SLC9B1: variants seen among roughly 807,000 people sequenced by gnomAD.
SLC9B1 encodes sodium/hydrogen exchanger 9B1.
SLC9B1 carries 32 observed loss-of-function variants against 51.7 expected under a neutral mutation model. The ratio of observed to expected loss-of-function variants is 0.62; its 90% confidence interval spans 0.47 to 0.83. SLC9B1 has a LOEUF of 0.83. Among genes scored for constraint, SLC9B1 ranks in the 40% least tolerant of loss-of-function variants. SLC9B1 has a pLI of 0.00. For synonymous variants in SLC9B1, 145 were observed against 212.7 expected (o/e 0.68, Z 2.77); for missense variants, 406 against 613.2 (o/e 0.66, Z 3.57).
At chr4:102,960,591 A>T (rs1039538081) in intron 3 of SLC9B1, among the ~76,000 whole-genome samples, 26 of 151,588 alleles carry the variant, frequency 1.7e-4, no homozygotes, top group African/African-American at 3.7e-4. Flanking sequence ...GTAAAAATTT[A>T]AAAAAAGTTA....
Position 102,961,389 on chromosome 4 carries a change from C to A in SLC9B1, c.212-11962G>T, listed in dbSNP as rs1281754182. ...CAAAAACTGACTACATACTTCAGAT[C>A]TGTCTCAAATCTCCCCAGCCTCTTT... On this transcript the variant is annotated intron_variant, in intron 3 of 11. Coordinates refer to ENST00000296422, the MANE Select transcript of SLC9B1 (RefSeq NM_139173.4). Among the ~76,000 whole-genome samples the A allele has an allele frequency of 2.0e-5, 3 of 152,286 alleles. No individual in the cohort carries two copies. The East Asian group carries it at 5.8e-4, about 29-fold the overall frequency.
At chr4:102,973,399 T>C (rs544214941) in intron 3 of SLC9B1, among the ~76,000 whole-genome samples, 18 of 152,222 alleles carry the variant, frequency 1.2e-4, no homozygotes, top group African/African-American at 4.3e-4. Flanking sequence ...TTAAAATATA[T>C]GAAGCACAAA....
At chr4:102,900,691 T>C (rs1734743336), downstream of SLC9B1, among the ~76,000 whole-genome samples, 2 of 152,180 alleles carry the variant, frequency 1.3e-5, no homozygotes, top group African/African-American at 2.4e-5. Flanking sequence ...TTTGTGGTGA[T>C]CTTTTTAACT....
chr4:102,960,807 A>G (rs1363841212), intron 3 of SLC9B1, among the ~76,000 whole-genome samples: 1 of 150,516 alleles, frequency 6.6e-6, no homozygotes, highest in East Asian at 1.9e-4. Flanking sequence ...ATCTCGGCTC[A>G]CCACAACCTC....
intron 3 of SLC9B1, among the ~76,000 whole-genome samples, chr4:102,976,641 T>C (rs1465480895): frequency 2.6e-5 from 4 of 152,172 alleles, no homozygotes; most frequent in Non-Finnish European, 4.4e-5. Flanking sequence ...TCTTGAAAGA[T>C]GAAATTTCAA....
intron 7 of SLC9B1, among the ~76,000 whole-genome samples, chr4:102,917,509 C>T (rs1350375054): frequency 1.3e-5 from 2 of 148,190 alleles, no homozygotes; most frequent in African/African-American, 4.9e-5. Context: ...TTGGTTCTGA[C>T]CCTCTGGAGA....
At chr4:102,920,201 A>G (rs567090960) in intron 7 of SLC9B1, among the ~76,000 whole-genome samples, 2 of 152,336 alleles carry the variant, frequency 1.3e-5, no homozygotes, top group East Asian at 3.9e-4. Flanking sequence ...CGAAGCTTCC[A>G]GAGGAAGGAT....
intron 7 of SLC9B1, among the ~76,000 whole-genome samples, chr4:102,918,975 G>GCAATAGCC (rs1735724766): frequency 1.3e-5 from 2 of 152,204 alleles, no homozygotes; most frequent in Non-Finnish European, 2.9e-5. Context: ...ACTCTCTGAA[G>GCAATAGCC]CAATAGCCTG....
chr4:102,940,630 T>C (rs1431693877), intron 6 of SLC9B1, among the ~76,000 whole-genome samples: 1 of 152,212 alleles, frequency 6.6e-6, no homozygotes, highest in African/African-American at 2.4e-5. Context: ...AGTACAATGC[T>C]ACAGTAAGCA....
intron 1 of SLC9B1, among the ~76,000 whole-genome samples, chr4:103,009,592 A>T (rs1740985445): frequency 6.6e-6 from 1 of 152,206 alleles, no homozygotes; most frequent in African/African-American, 2.4e-5. Context: ...TGAGAGTGGC[A>T]AAGCTGGGAT....
intron 1 of SLC9B1, among the ~76,000 whole-genome samples, chr4:103,008,526 C>T (rs982020226): frequency 6.6e-6 from 1 of 150,868 alleles, no homozygotes; most frequent in African/African-American, 2.4e-5. Flanking sequence ...GGACTACCGA[C>T]GTGAGTCACT....
chr4:103,015,459 T>C (rs1204104002), intron 1 of SLC9B1, among the ~76,000 whole-genome samples: 1 of 152,140 alleles, frequency 6.6e-6, no homozygotes, highest in Non-Finnish European at 1.5e-5. Context: ...CAACCACTAA[T>C]ACCCAGGTGG....
chr4:103,015,953 C>T (rs1741295020), intron 1 of SLC9B1, among the ~76,000 whole-genome samples: 1 of 151,530 alleles, frequency 6.6e-6, no homozygotes, highest in South Asian at 2.1e-4. Flanking sequence ...CATGGTAAAA[C>T]CCTATCTCTA....
downstream of SLC9B1, among the ~76,000 whole-genome samples, chr4:102,899,312 G>A (rs1734680024): frequency 6.6e-6 from 1 of 150,528 alleles, no homozygotes; most frequent in African/African-American, 2.4e-5. Flanking sequence ...TCCTCATTTT[G>A]AAAATTATTT....
chr4:103,011,948 T>A (rs1741106461), intron 1 of SLC9B1, among the ~76,000 whole-genome samples: 1 of 152,198 alleles, frequency 6.6e-6, no homozygotes, highest in Non-Finnish European at 1.5e-5. Flanking sequence ...TCCACTGACT[T>A]GATGAATAAC....
intron 3 of SLC9B1, among the ~76,000 whole-genome samples, chr4:102,983,195 T>A (rs1739444044): frequency 6.6e-6 from 1 of 152,158 alleles, no homozygotes; most frequent in African/African-American, 2.4e-5. Flanking sequence ...TTACATTACT[T>A]AATTTTTGAA....
Position 102,949,403 on chromosome 4 carries a change from C to T in SLC9B1, c.236G>A (p.Cys79Tyr), listed in dbSNP as rs906618623. The change falls in exon 4 of 12, where the codon TGT (cysteine) becomes TAT (tyrosine). Residue 79 changes from cysteine to tyrosine, a missense_variant. Physicochemically the swap from Cys to Tyr is radical, Grantham distance 194. This residue lies in a region of SLC9B1 where 108 missense variants were observed against 94.5 expected (regional missense o/e 1.14). Coordinates refer to ENST00000296422, the MANE Select transcript of SLC9B1 (RefSeq NM_139173.4). ...AGAGCCTAAGATTGACCAGGTCATA[C>T]ACCATATCACAAACAGTATAACTCC... ...TNGVILFVIW[C>Y]MTWSILGSEA... 3.8e-6 allele frequency: 6 copies of T among 1,599,144 alleles called. No homozygotes were observed. The African/African-American group carries it at 8.1e-5, about 22-fold the overall frequency.
chr4:102,945,328 A>G lies in SLC9B1; in HGVS notation c.526-8T>C. The G allele has an allele frequency of 6.3e-7, 1 of 1,588,534 alleles. No homozygotes were observed. The highest frequency in any genetic ancestry group is 1.2e-5 in the South Asian group (1 of 86,458). ...CTTCAAATGCCTCAAAGCCTGAAACACAAAACAGTCACACTTAGATACATT... is the reference window on the plus strand; with the variant it reads ...CTTCAAATGCCTCAAAGCCTGAAACGCAAAACAGTCACACTTAGATACATT... On this transcript the variant is annotated splice_region_variant and splice_polypyrimidine_tract_variant and intron_variant, in intron 5 of 11. Coordinates refer to ENST00000296422, the MANE Select transcript of SLC9B1 (RefSeq NM_139173.4).
At chr4:103,017,340 T>C (rs1005410996) in intron 1 of SLC9B1, among the ~76,000 whole-genome samples, 3 of 152,236 alleles carry the variant, frequency 2.0e-5, no homozygotes, top group Non-Finnish European at 2.9e-5. Context: ...CAAACCTTTT[T>C]ACAATGTAAA....
Sources: gnomAD v4.1 joint callset for allele counts (sites outside exome capture counted in the v4.1 genomes callset) on GRCh38, gnomAD v4.1.1 for gene constraint, gnomAD v4.1.1 regional missense constraint, MANE v1.5 for transcripts, NCBI Gene and HGNC (gene_info 2026-07-23, HGNC 2026-07-21) for gene names.